Variants in NELL1 observed in about 807,000 individuals in gnomAD.
NELL1 encodes the protein protein kinase C-binding protein NELL1.
A neutral mutation model predicts 107.4 loss-of-function variants in NELL1; 76 were observed. That is an observed-to-expected ratio of 0.71 (90% CI 0.59 to 0.86). The LOEUF (loss-of-function observed/expected upper bound fraction) is 0.86. Ranked by LOEUF, NELL1 falls within the 40% of genes least tolerant of loss-of-function variation. The probability of loss-of-function intolerance (pLI) is 0.00; values close to 1 mark genes in which losing one functional copy is unlikely to be tolerated. For synonymous variants in NELL1, 353 were observed against 341.2 expected (o/e 1.03, Z -0.38); for missense variants, 1,024 against 1,005.5 (o/e 1.02, Z -0.25).
chr11:21,492,915 G>T (rs1854867083), intron 15 of NELL1, among the ~76,000 whole-genome samples: 1 of 151,570 alleles, frequency 6.6e-6, no homozygotes, highest in Non-Finnish European at 1.5e-5. Flanking sequence ...AATAAAAGAA[G>T]TTGGCTAAGC....
chr11:20,971,524 A>G (rs1851501150), intron 12 of NELL1, among the ~76,000 whole-genome samples: 1 of 152,014 alleles, frequency 6.6e-6, no homozygotes, highest in Non-Finnish European at 1.5e-5. Context: ...TGAGAATTGA[A>G]CTCACTCAGT....
intron 15 of NELL1, among the ~76,000 whole-genome samples, chr11:21,466,439 G>A (rs1854033001): frequency 6.6e-6 from 1 of 152,148 alleles, no homozygotes; most frequent in Non-Finnish European, 1.5e-5. Context: ...ACAGATGACT[G>A]GGGCATTAGC....
intron 5 of NELL1, among the ~76,000 whole-genome samples, chr11:20,910,878 A>G (rs1343330296): frequency 1.3e-5 from 2 of 152,228 alleles, no homozygotes; most frequent in African/African-American, 4.8e-5. Flanking sequence ...AATGCAGATT[A>G]TATAAGAATA....
At chr11:20,871,494 T>C (rs1849196369) in intron 4 of NELL1, among the ~76,000 whole-genome samples, 1 of 152,214 alleles carries the variant, frequency 6.6e-6, no homozygotes, top group African/African-American at 2.4e-5. Flanking sequence ...ATCTAATCTA[T>C]CTAATCTGTC....
At chr11:20,699,954 G>C (rs1854730298) in intron 2 of NELL1, among the ~76,000 whole-genome samples, 1 of 151,908 alleles carries the variant, frequency 6.6e-6, no homozygotes, top group African/African-American at 2.4e-5. Context: ...TAATTTTTTA[G>C]TTTTTAAACT....
intron 13 of NELL1, among the ~76,000 whole-genome samples, chr11:21,120,044 A>G (rs1428179792): frequency 6.6e-6 from 1 of 152,122 alleles, no homozygotes; most frequent in Non-Finnish European, 1.5e-5. Flanking sequence ...TGAGATAACA[A>G]ATATCCCATG....
chr11:21,535,715 A>T (rs1856120245), intron 16 of NELL1, among the ~76,000 whole-genome samples: 1 of 152,202 alleles, frequency 6.6e-6, no homozygotes, highest in Admixed American at 6.6e-5. Context: ...TGTGAAATTG[A>T]AATAATGTTT....
chr11:21,286,618 AG>A (rs1849122976), intron 14 of NELL1, among the ~76,000 whole-genome samples: 2 of 152,230 alleles, frequency 1.3e-5, no homozygotes, highest in African/African-American at 4.8e-5. Flanking sequence ...GCTTCTATTT[AG>A]CAATGGGGGT....
chr11:20,755,865 G>T lies in NELL1; in HGVS notation c.185-27815G>T, dbSNP rs1445831246. On this transcript the variant is annotated intron_variant, in intron 2 of 19. Coordinates refer to ENST00000357134, the MANE Select transcript of NELL1 (RefSeq NM_006157.5). ...GCCACCACGCCCAGCCAGACCTGCGGTTTTTTTTTTTTTTTTTTTTTTTTT... is the reference window on the plus strand; with the variant it reads ...GCCACCACGCCCAGCCAGACCTGCGTTTTTTTTTTTTTTTTTTTTTTTTTT... 2.9e-3 allele frequency among the ~76,000 whole-genome samples: 357 copies of T among 121,914 alleles called. 1 individual carries two copies. The highest frequency in any genetic ancestry group is 4.2e-3 in the Non-Finnish European group (252 of 59,336). The allele number at this position is 121,914 out of a possible 152,430, so 80.0% of individuals were successfully genotyped here. A position where few individuals can be genotyped will look rare whatever the true frequency, so the allele number is the denominator to read the frequency against.
intron 13 of NELL1, among the ~76,000 whole-genome samples, chr11:21,174,969 G>A (rs550238867): frequency 1.5e-4 from 23 of 151,712 alleles, no homozygotes; most frequent in African/African-American, 3.9e-4. Flanking sequence ...ATGAGTAGTC[G>A]TGAATCACAT....
intron 14 of NELL1, among the ~76,000 whole-genome samples, chr11:21,267,708 T>C (rs1372663127): frequency 1.3e-5 from 2 of 152,000 alleles, no homozygotes; most frequent in Non-Finnish European, 2.9e-5. Flanking sequence ...TACTCTTTTG[T>C]ATTTAACTCT....
In NELL1 at chr11:20,826,145, T is replaced by G. The variant is rs143726628; in HGVS notation, c.336-21438T>G. ...CTCCCCAGCCATGCTGAACTGTGTT[T>G]CAAACCTCTTTCTTTTATAAATTAC... On this transcript the variant is annotated intron_variant, in intron 3 of 19. Transcript: ENST00000357134. Among the ~76,000 whole-genome samples, 76 of 151,500 alleles carry G rather than the reference T, an allele frequency of 5.0e-4. No individual in the cohort carries two copies. In the East Asian group the frequency reaches 0.014, roughly 28 times the overall value.
chr11:21,425,978 T>C (rs1025141924), intron 15 of NELL1, among the ~76,000 whole-genome samples: 1 of 151,770 alleles, frequency 6.6e-6, no homozygotes, highest in Non-Finnish European at 1.5e-5. Context: ...GCTAAAAGAG[T>C]GAAATATGCT....
At chr11:20,841,731 A>G (rs12275448) in intron 3 of NELL1, among the ~76,000 whole-genome samples, 4,662 of 152,258 alleles carry the variant, frequency 0.031, 87 homozygotes, top group Middle Eastern at 0.054. Context: ...AAAAGGTTAT[A>G]GGCCTCATCT....
intron 2 of NELL1, among the ~76,000 whole-genome samples, chr11:20,704,252 T>C (rs1854879086): frequency 6.6e-6 from 1 of 152,244 alleles, no homozygotes; most frequent in Admixed American, 6.5e-5. Context: ...CCTTTACCAT[T>C]ATGTAATGGC....
At chr11:20,669,573 A>C (rs1033293134), upstream of NELL1, 3 of 472,622 alleles carry the variant, frequency 6.3e-6, no homozygotes, top group East Asian at 4.3e-5. The surrounding 1 kb of genome is among the most constrained non-coding windows in gnomAD (Gnocchi z 4.4). Flanking sequence ...CCGGGCGCAT[A>C]TGCGAGCGCA....
At chr11:20,886,451 G>A (rs150812880) in intron 5 of NELL1, among the ~76,000 whole-genome samples, 1 of 151,708 alleles carries the variant, frequency 6.6e-6, no homozygotes, top group Non-Finnish European at 1.5e-5. Context: ...TATAATGCTC[G>A]ATAAAATACC....
intron 13 of NELL1, among the ~76,000 whole-genome samples, chr11:21,203,397 A>G (rs1232236033): frequency 8.2e-6 from 1 of 121,242 alleles, no homozygotes; most frequent in African/African-American, 3.2e-5. Context: ...GTCTCTTTTG[A>G]TCTTTGTTAT....
chr11:20,967,488 A>G (rs58898254), intron 12 of NELL1, among the ~76,000 whole-genome samples: 4,119 of 152,252 alleles, frequency 0.027, 177 homozygotes, highest in African/African-American at 0.093. Flanking sequence ...AGAATCAGGT[A>G]CTTTTCTCCC....
Sources: gnomAD v4.1 joint callset for allele counts (sites outside exome capture counted in the v4.1 genomes callset) on GRCh38, gnomAD v4.1.1 for gene constraint, Gnocchi (gnomAD v3.1) non-coding constraint, MANE v1.5 for transcripts, NCBI Gene and HGNC (gene_info 2026-07-23, HGNC 2026-07-21) for gene names.